The following KAT14 variants were observed in gnomAD, a reference collection of about 807,000 sequenced individuals.
KAT14 encodes lysine acetyltransferase 14, also known as cysteine-rich protein 2-binding protein.
A neutral mutation model predicts 78.4 loss-of-function variants in KAT14; 66 were observed. That is an observed-to-expected ratio of 0.84 (90% CI 0.69 to 1.03). KAT14 has a LOEUF of 1.03. Ranked by LOEUF, KAT14 falls within the 50% of genes least tolerant of loss-of-function variation. The probability of loss-of-function intolerance (pLI) is 0.00; values close to 1 mark genes in which losing one functional copy is unlikely to be tolerated. For missense variants in KAT14, 870 were observed against 972.5 expected (o/e 0.89, Z 1.40); for synonymous variants, 344 against 359.4 (o/e 0.96, Z 0.48).
intron 2 of KAT14, among the ~76,000 whole-genome samples, chr20:18,143,815 TGAG>T (rs1289262454): frequency 6.6e-6 from 1 of 151,746 alleles, no homozygotes; most frequent in Non-Finnish European, 1.5e-5. Context: ...TTAGTAGAGA[TGAG>T]GTTTCTTCTC....
chr20:18,154,440 G>A (rs757936827), intron 4 of KAT14, among the ~76,000 whole-genome samples: 5 of 152,194 alleles, frequency 3.3e-5, no homozygotes, highest in Non-Finnish European at 7.3e-5. Flanking sequence ...AGCCTCCGGA[G>A]TAGCTGCTAC....
chr20:18,142,964 AG>A (rs747614022), intron 2 of KAT14, 45 bp downstream of exon 2: 2 of 1,595,722 alleles, frequency 1.3e-6, no homozygotes, highest in Non-Finnish European at 1.7e-6. Context: ...TCCTGTGTGA[AG>A]GTTTGTTTTT....
intron 7 of KAT14, among the ~76,000 whole-genome samples, chr20:18,166,088 G>C (rs1260876376): frequency 1.3e-5 from 2 of 152,178 alleles, no homozygotes; most frequent in Non-Finnish European, 2.9e-5. Context: ...TCGGTGCTGC[G>C]AAGAAAAGTC....
chr20:18,151,606 G>A (rs1325943764), intron 4 of KAT14, among the ~76,000 whole-genome samples: 1 of 152,124 alleles, frequency 6.6e-6, no homozygotes, highest in Non-Finnish European at 1.5e-5. Flanking sequence ...ATTATGGTGG[G>A]TGTGAATCAC....
At chr20:18,139,633 CGTGTGTGTGTGTGT>C (rs71194228) in intron 1 of KAT14, among the ~76,000 whole-genome samples, 10,277 of 141,654 alleles carry the variant, frequency 0.073, 374 homozygotes, top group Middle Eastern at 0.087. Context: ...ACCAAAATAA[CGTGTGTGTGTGTGT>C]GTGTGTGTGT....
intron 3 of KAT14, among the ~76,000 whole-genome samples, chr20:18,150,599 G>A (rs2037996222): frequency 6.6e-6 from 1 of 152,166 alleles, no homozygotes; most frequent in Non-Finnish European, 1.5e-5. Flanking sequence ...AGGATTAGAT[G>A]CTTAGTTCTG....
intron 5 of KAT14, among the ~76,000 whole-genome samples, chr20:18,159,528 T>C (rs2146417319): frequency 6.6e-6 from 1 of 152,358 alleles, no homozygotes; most frequent in East Asian, 1.9e-4. Flanking sequence ...TGGTTTTTGT[T>C]TTTAAACTTC....
intron 7 of KAT14, among the ~76,000 whole-genome samples, chr20:18,171,866 G>C (rs377310803): frequency 6.6e-6 from 1 of 152,208 alleles, no homozygotes; most frequent in African/African-American, 2.4e-5. Flanking sequence ...GCATGCTTCA[G>C]TGTTGTCTTA....
chr20:18,178,765 T>C (rs1294729612), intron 7 of KAT14, among the ~76,000 whole-genome samples: 1 of 152,052 alleles, frequency 6.6e-6, no homozygotes, highest in Non-Finnish European at 1.5e-5. Flanking sequence ...CCCTGGCCTC[T>C]CCAAATCTCA....
intron 3 of KAT14, among the ~76,000 whole-genome samples, chr20:18,150,091 T>C (rs973043784): frequency 6.6e-5 from 10 of 152,216 alleles, no homozygotes; most frequent in African/African-American, 2.4e-4. Flanking sequence ...TTTGGGGCCA[T>C]GAATTCCTCA....
intron 10 of KAT14, among the ~76,000 whole-genome samples, chr20:18,185,329 C>T (rs2039418310): frequency 6.6e-6 from 1 of 152,092 alleles, no homozygotes; most frequent in Non-Finnish European, 1.5e-5. Context: ...CCCGCCTCAG[C>T]CTTCTGGGTA....
intron 10 of KAT14, among the ~76,000 whole-genome samples, chr20:18,186,315 G>A (rs370521462): frequency 5.9e-5 from 9 of 152,298 alleles, no homozygotes; most frequent in Middle Eastern, 3.4e-3. Context: ...GTGAGATCAC[G>A]TATATTTGCA....
chr20:18,139,652 GTGTGTGTGTGTGTGTGTGTGTGTT>G (rs918384300), intron 1 of KAT14, among the ~76,000 whole-genome samples: 3 of 144,290 alleles, frequency 2.1e-5, no homozygotes, highest in Admixed American at 7.1e-5. Flanking sequence ...GTGTGTGTGT[GTGTGTGTGTGTGTGTGTGTGTGTT>G]TATTTTTTTT....
At position 18,169,990 on chromosome 20, in the gene KAT14, A is replaced by C. The variant is rs1386550662; in HGVS notation, c.1668+7045A>C. On this transcript the variant is annotated intron_variant, in intron 7 of 10. Transcript: ENST00000688188. Reference sequence around the variant, plus strand: ...TTAAGCCAAAGCCTAATCCAGAGTAAGGCCTTAACTCTTGAATTCTGTAAA... The same window carrying C: ...TTAAGCCAAAGCCTAATCCAGAGTACGGCCTTAACTCTTGAATTCTGTAAA... Among the ~76,000 whole-genome samples, 5 of 152,236 alleles carry C rather than the reference A, an allele frequency of 3.3e-5. No individual in the cohort carries two copies. The East Asian group carries it at 9.6e-4, about 29-fold the overall frequency.
chr20:18,181,866 TGTG>T lies in KAT14; in HGVS notation c.1805+21_1805+23del. 6.2e-7 allele frequency: 1 copy of T among 1,612,878 alleles called. No homozygotes were observed. Among genetic ancestry groups the T allele is most frequent in the Non-Finnish European group, 8.5e-7 (1 of 1,179,436 alleles). On this transcript the variant is annotated intron_variant, in intron 8 of 10. Coordinates refer to ENST00000688188, the MANE Select transcript of KAT14 (RefSeq NM_001392073.1). ...TATCAGGTATATGGAGAACTAGAGG[TGTG>T]ATGTCAGGTGTGTCATGAGGGATAA...
At chr20:18,175,728 C>A (rs2039013738) in intron 7 of KAT14, among the ~76,000 whole-genome samples, 1 of 151,946 alleles carries the variant, frequency 6.6e-6, no homozygotes, top group African/African-American at 2.4e-5. Context: ...AAGTACATAA[C>A]ATACACCGAG....
chr20:18,159,392 C>A, intron 5 of KAT14, 127 bp downstream of exon 5: 2 of 1,022,992 alleles, frequency 2.0e-6, no homozygotes, highest in Non-Finnish European at 2.7e-6. Context: ...CTGTTTAACA[C>A]TTCTGTGATG....
intron 7 of KAT14, among the ~76,000 whole-genome samples, chr20:18,165,569 C>T (rs1479324284): frequency 6.6e-6 from 1 of 152,122 alleles, no homozygotes; most frequent in East Asian, 1.9e-4. Context: ...AACTGTGAGA[C>T]AATAAATTCC....
At chr20:18,158,081 C>G (rs2038285276) in intron 4 of KAT14, among the ~76,000 whole-genome samples, 2 of 152,138 alleles carry the variant, frequency 1.3e-5, no homozygotes, top group African/African-American at 4.8e-5. Context: ...GGATTACAGG[C>G]ATGTGCCACC....
Sources: gnomAD v4.1 joint callset for allele counts (sites outside exome capture counted in the v4.1 genomes callset) on GRCh38, gnomAD v4.1.1 for gene constraint, MANE v1.5 for transcripts, NCBI Gene and HGNC (gene_info 2026-07-23, HGNC 2026-07-21) for gene names.